Variants in INSRR observed in about 807,000 individuals in gnomAD.
INSRR encodes insulin receptor related receptor, also known as insulin receptor-related protein.
Under a neutral mutation model 130.0 loss-of-function variants are expected in INSRR, and 114 were observed. That is an observed-to-expected ratio of 0.88 (90% CI 0.75 to 1.02). The LOEUF (loss-of-function observed/expected upper bound fraction) is 1.02, where lower values mean the gene tolerates loss of function less well. INSRR is among the 50% of genes least tolerant of loss of function. The pLI, the probability that INSRR is intolerant of heterozygous loss-of-function variation, is 0.00. For missense variants in INSRR, 1,657 were observed against 1,735.2 expected (o/e 0.95, Z 0.80); for synonymous variants, 674 against 705.2 (o/e 0.96, Z 0.70).
At chr1:156,844,382 G>A in intron 14 of INSRR, 80 bp downstream of exon 14, 1 of 1,564,380 alleles carries the variant, frequency 6.4e-7, no homozygotes, top group Non-Finnish European at 8.7e-7. Context: ...GGGGAGGGAT[G>A]CGGGGGAGGG....
Position 156,846,677 on chromosome 1 carries a change from G to T in INSRR, c.1652C>A (p.Pro551His). ...QSWNLLDVEL[P>H]LSRTQEPGVT... Reference sequence around the variant, plus strand: ...CCCTGGCTCCTGGGTGCGGCTTAGGGGCAGCTCCACATCCAGCAGGTTCCA... The same window carrying T: ...CCCTGGCTCCTGGGTGCGGCTTAGGTGCAGCTCCACATCCAGCAGGTTCCA... Residue 551 changes from proline to histidine, a missense_variant, in exon 8 of 22, where the codon CCC becomes CAC. Transcript: ENST00000368195. 6.2e-7 allele frequency: 1 copy of T among 1,614,178 alleles called. No homozygotes were observed. Among genetic ancestry groups the T allele is most frequent in the Non-Finnish European group, 8.5e-7 (1 of 1,180,046 alleles).
Position 156,841,753 on chromosome 1 carries a change from G to A in INSRR, c.3439C>T (p.Arg1147Cys), listed in dbSNP as rs773196691. Reference protein sequence around the residue: ...TRDVYETDYYRKGGKGLLPVR... With the variant: ...TRDVYETDYYCKGGKGLLPVR... The stretch of plus-strand genomic sequence containing the variant: ...GGCAGCAGCCCCTTCCCACCCTTGC[G>A]GTAATAGTCTGTCTCATACACGTCC... The change falls in exon 20 of 22, where the codon CGC becomes TGC. Residue 1147 changes from arginine to cysteine, a missense_variant. By Grantham distance (180) the Arg-to-Cys change is radical. Transcript: ENST00000368195. 19 of 1,614,120 alleles carry A rather than the reference G, an allele frequency of 1.2e-5. 1 individual carries two copies. In the South Asian group the frequency reaches 1.4e-4, roughly 12 times the overall value.
In INSRR at chr1:156,844,213, G is replaced by A. The variant is rs1391437469; in HGVS notation, c.2805C>T (p.Ile935=). The part of the protein sequence containing the change: ...TATPVGLTLL[I]VLAALGFFYG... ...AGAAGAAACCAAGGGCAGCAAGAAC[G>A]ATGAGCAGCGTGAGCCCCACAGGGG... Residue 935 remains isoleucine, a synonymous_variant, in exon 15 of 22, where the codon ATC becomes ATT. Coordinates refer to ENST00000368195, the MANE Select transcript of INSRR (RefSeq NM_014215.3). 10 of 1,613,838 alleles carry A rather than the reference G, an allele frequency of 6.2e-6. 1 individual carries two copies. Among genetic ancestry groups the A allele is most frequent in the South Asian group, 3.3e-5 (3 of 91,074 alleles).
chr1:156,854,157 G>A lies in INSRR; in HGVS notation c.232C>T (p.Gln78Ter), dbSNP rs928953261. ...FRGLSFPRLTQVTDYLLLFRV... is the reference protein window; with the variant it reads ...FRGLSFPRLT ...AAGAGCAGCAGGTAGTCGGTGACCTGGGTGAGGCGAGGGAAGCTGAGGCCG... is the reference window on the plus strand; with the variant it reads ...AAGAGCAGCAGGTAGTCGGTGACCTAGGTGAGGCGAGGGAAGCTGAGGCCG... Residue 78 changes from glutamine to a stop codon, truncating the protein, a stop_gained, in exon 2 of 22, where the codon CAG becomes TAG. Coordinates refer to ENST00000368195, the MANE Select transcript of INSRR (RefSeq NM_014215.3). LOFTEE classifies it high-confidence loss of function. This position sits in a 1 kb window ranked among gnomAD's most constrained non-coding sequence, Gnocchi z 4.2. 6.2e-7 allele frequency: 1 copy of A among 1,614,148 alleles called. No homozygotes were observed. Among genetic ancestry groups the A allele is most frequent in the African/African-American group, 1.3e-5 (1 of 75,066 alleles).
intron 8 of INSRR, 92 bp from the exon 9 acceptor site, chr1:156,846,211 C>A: frequency 7.6e-7 from 1 of 1,315,732 alleles, no homozygotes. Context: ...GTCCAACAGC[C>A]TTGTTCTCCC....
Position 156,841,825 on chromosome 1 carries a change from G to A in INSRR, c.3398-31C>T, listed in dbSNP as rs769347468. 8.1e-6 allele frequency: 13 copies of A among 1,613,978 alleles called. No homozygotes were observed. The African/African-American group carries it at 9.3e-5, about 12-fold the overall frequency. Reference sequence around the variant, plus strand: ...AAGTGAGGGTGAGGGTGGAGGAGGTGTGGGGCATAAGAGCCACGCACTAGC... The same window carrying A: ...AAGTGAGGGTGAGGGTGGAGGAGGTATGGGGCATAAGAGCCACGCACTAGC... On this transcript the variant is annotated intron_variant, in intron 19 of 21. Coordinates refer to ENST00000368195, the MANE Select transcript of INSRR (RefSeq NM_014215.3).
Position 156,841,048 on chromosome 1 carries a change from G to A in INSRR, c.3719C>T (p.Thr1240Ile), listed in dbSNP as rs779655008. 158 of 1,593,166 alleles carry A rather than the reference G, an allele frequency of 9.9e-5. No individual in the cohort carries two copies. Among genetic ancestry groups the A allele is most frequent in the Middle Eastern group, 3.3e-4 (2 of 6,034 alleles). ...QPNPRLRPSFTHILDSIQEEL... is the reference protein window; with the variant it reads ...QPNPRLRPSFIHILDSIQEEL... ...CTCCTGTATGCTGTCCAGAATGTGT[G>A]TGAAAGATGGGCGCAGGCGTGGGTT... Residue 1240 changes from threonine (T) to isoleucine (I), a missense_variant, in exon 22 of 22, where the codon ACA becomes ATA. Thr to Ile is a moderately conservative substitution (Grantham distance 89). Coordinates refer to ENST00000368195, the MANE Select transcript of INSRR (RefSeq NM_014215.3).
chr1:156,853,997 A>G lies in INSRR; in HGVS notation c.392T>C (p.Leu131Pro), dbSNP rs1324801689. 1 of 1,613,640 alleles carries G rather than the reference A, an allele frequency of 6.2e-7. No individual in the cohort carries two copies. The highest frequency in any genetic ancestry group is 1.3e-5 in the African/African-American group (1 of 74,954). The change falls in exon 2 of 22, where the codon CTT becomes CCT. Residue 131 changes from leucine (L) to proline (P), a missense_variant. By Grantham distance (98) the Leu-to-Pro change is moderately conservative (BLOSUM62 -3). Coordinates refer to ENST00000368195, the MANE Select transcript of INSRR (RefSeq NM_014215.3). ...CACAGCCCCACGCAGCACGGCCCCA[A>G]GTGCAGGCAGTGCCACGTCACGCAG... ...PHLRDVALPA[L>P]GAVLRGAVRV...
chr1:156,848,587 C>A (rs535809681), intron 7 of INSRR, among the ~76,000 whole-genome samples: 117 of 152,334 alleles, frequency 7.7e-4, no homozygotes, highest in Non-Finnish European at 6.8e-4. Flanking sequence ...GCTCCCCAAA[C>A]CGCTGCTGGG....
chr1:156,847,647 C>A (rs934846699), intron 7 of INSRR, among the ~76,000 whole-genome samples: 1 of 151,156 alleles, frequency 6.6e-6, no homozygotes. Flanking sequence ...GACCTATAAG[C>A]AGGATAGTCC....
chr1:156,850,843 C>T lies in INSRR; in HGVS notation c.1229+447G>A, dbSNP rs796960452. 8.5e-5 allele frequency among the ~76,000 whole-genome samples: 13 copies of T among 152,250 alleles called. 1 individual carries two copies. The highest frequency in any genetic ancestry group is 3.1e-4 in the African/African-American group (13 of 41,550). On this transcript the variant is annotated intron_variant, in intron 5 of 21. Transcript: ENST00000368195. ...AAGTGCAGGGATTACAGGTGTGAGC[C>T]ACCGTGCCTGGCTCATTCTTTTTAT...
At chr1:156,846,844 A>G (rs1655033363) in intron 7 of INSRR, 87 bp from the exon 8 acceptor site, 1 of 1,109,166 alleles carries the variant, frequency 9.0e-7, no homozygotes, top group Non-Finnish European at 1.4e-6. Context: ...CAGGACTGTC[A>G]TTGTCCTTCC....
At chr1:156,857,722 G>A (rs1655459916) in intron 1 of INSRR, among the ~76,000 whole-genome samples, 1 of 152,222 alleles carries the variant, frequency 6.6e-6, no homozygotes, top group Admixed American at 6.5e-5. Context: ...CCCCCAGTCT[G>A]AGGGGCATCA....
Position 156,849,381 on chromosome 1 carries a change from C to T in INSRR, c.1309G>A (p.Val437Met). The change falls in exon 6 of 22, where the codon GTG becomes ATG. Residue 437 changes from valine to methionine, a missense_variant. By Grantham distance (21) the Val-to-Met change is conservative. Transcript: ENST00000368195. ...TTGAAGGCGAAGTAGATCTTGCCCA[C>T]GGGAATGGTGAGCCCCGCGGCCACC... ...SWVAAGLTIPVGKIYFAFNPR... is the reference protein window; with the variant it reads ...SWVAAGLTIPMGKIYFAFNPR... 3 of 1,613,044 alleles carry T rather than the reference C, an allele frequency of 1.9e-6. No homozygotes were observed. Among genetic ancestry groups the T allele is most frequent in the Admixed American group, 1.7e-5 (1 of 59,882 alleles).
chr1:156,857,118 G>A (rs1351130723), intron 1 of INSRR, among the ~76,000 whole-genome samples: 2 of 150,198 alleles, frequency 1.3e-5, no homozygotes, highest in Non-Finnish European at 2.9e-5. Context: ...TCTTCTCCCT[G>A]TTGTCATTAA....
At chr1:156,852,758 C>T (rs1655270159) in intron 2 of INSRR, among the ~76,000 whole-genome samples, 1 of 152,196 alleles carries the variant, frequency 6.6e-6, no homozygotes, top group Admixed American at 6.5e-5. Context: ...GCTATGGGAG[C>T]GATCTGTGGG....
intron 4 of INSRR, 72 bp from the exon 5 acceptor site, chr1:156,851,506 G>A: frequency 6.2e-7 from 1 of 1,604,090 alleles, no homozygotes; most frequent in South Asian, 1.1e-5. Context: ...GGGGCTGAAT[G>A]GGGGCCCCGG....
rs138327752 is a variant in INSRR at position 156,842,504 on chromosome 1, C to T, written c.3131G>A (p.Arg1044His). ...MKAFKCHHVV[R>H]LLGVVSQGQP... ...GCCCTGAGATACCACACCCAGGAGA[C>T]GCACCTGGGACAGACAAAGGGCCTA... Residue 1044 changes from arginine (R) to histidine (H), a missense_variant, in exon 18 of 22, where the codon CGT becomes CAT. Arg to His is a conservative substitution (Grantham distance 29). Coordinates refer to ENST00000368195, the MANE Select transcript of INSRR (RefSeq NM_014215.3). The T allele has an allele frequency of 4.0e-4, 641 of 1,612,682 alleles. No individual in the cohort carries two copies. Among genetic ancestry groups the T allele is most frequent in the Middle Eastern group, 6.6e-4 (4 of 6,058 alleles).
In INSRR at chr1:156,854,257, C is replaced by A; in HGVS notation, c.132G>T (p.Gln44His). The A allele has an allele frequency of 6.2e-7, 1 of 1,613,638 alleles. No individual in the cohort carries two copies. Among genetic ancestry groups the A allele is most frequent in the South Asian group, 1.1e-5 (1 of 91,070 alleles). Residue 44 changes from glutamine (Q) to histidine (H), a missense_variant, in exon 2 of 22, where the codon CAG becomes CAT. Transcript: ENST00000368195. The surrounding 1 kb of genome is among the most constrained non-coding windows in gnomAD (Gnocchi z 4.2). Reference sequence around the variant, plus strand: ...CCTCCACCACGCTGCAGTTCTCCAGCTGACGAAGCTCTGCCACCTCTGAGC... The same window carrying A: ...CCTCCACCACGCTGCAGTTCTCCAGATGACGAAGCTCTGCCACCTCTGAGC... ...DIRSEVAELR[Q>H]LENCSVVEGH... is the part of the protein sequence containing the mutation.
Sources: allele counts gnomAD v4.1 joint callset (sites outside exome capture counted in the v4.1 genomes callset), GRCh38; gene constraint gnomAD v4.1.1; non-coding constraint Gnocchi (gnomAD v3.1); transcripts MANE v1.5; gene names NCBI Gene and HGNC (gene_info 2026-07-23, HGNC 2026-07-21).